The following POLDIP3 variants were observed in gnomAD, a reference collection of about 807,000 sequenced individuals.
The protein encoded by POLDIP3 is DNA polymerase delta interacting protein 3.
In POLDIP3, 14 loss-of-function variants were observed where a neutral mutation model predicts 45.1. The observed-to-expected ratio is 0.31, with a 90% CI of 0.20 to 0.49. The LOEUF is 0.49. Ranked by LOEUF, POLDIP3 falls within the 20% of genes least tolerant of loss-of-function variation. The pLI, the probability that POLDIP3 is intolerant of heterozygous loss-of-function variation, is 0.99. For synonymous variants in POLDIP3, 223 were observed against 205.2 expected (o/e 1.09, Z -0.74); for missense variants, 511 against 538.8 (o/e 0.95, Z 0.51).
intron 1 of POLDIP3, among the ~76,000 whole-genome samples, chr22:42,610,089 G>A (rs1187517724): frequency 6.6e-6 from 1 of 151,804 alleles, no homozygotes; most frequent in Non-Finnish European, 1.5e-5. Context: ...CAGGAGAATC[G>A]TTTGAATCCA....
intron 1 of POLDIP3, among the ~76,000 whole-genome samples, chr22:42,605,523 T>G (rs1416293680): frequency 1.3e-5 from 2 of 152,222 alleles, no homozygotes; most frequent in Non-Finnish European, 2.9e-5. Flanking sequence ...TTTTTCTCTT[T>G]GGAGTGGCAA....
chr22:42,596,760 T>C (rs1926018142), intron 4 of POLDIP3, among the ~76,000 whole-genome samples: 1 of 152,170 alleles, frequency 6.6e-6, no homozygotes, highest in African/African-American at 2.4e-5. Context: ...GGATCACATC[T>C]GCCATCCCAG....
intron 4 of POLDIP3, among the ~76,000 whole-genome samples, chr22:42,597,380 G>A (rs991779731): frequency 7.2e-5 from 11 of 152,170 alleles, no homozygotes; most frequent in East Asian, 1.9e-4. Flanking sequence ...GTGAAGCAGC[G>A]TCATCCCCAT....
At chr22:42,598,473 G>C (rs566702741) in intron 4 of POLDIP3, among the ~76,000 whole-genome samples, 2 of 151,378 alleles carry the variant, frequency 1.3e-5, no homozygotes, top group Non-Finnish European at 2.9e-5. Context: ...GGATGGTCTC[G>C]ATCTCCTGAC....
At position 42,585,932 on chromosome 22, in the gene POLDIP3, G is replaced by C. The variant is rs200775571; in HGVS notation, c.1125C>G (p.Ser375Arg). 3 of 1,613,290 alleles carry C rather than the reference G, an allele frequency of 1.9e-6. No homozygotes were observed. The highest frequency in any genetic ancestry group is 2.7e-5 in the African/African-American group (2 of 75,004). Residue 375 changes from serine (S) to arginine (R), a missense_variant, in exon 9 of 9, where the codon AGC becomes AGG. By Grantham distance (110) the Ser-to-Arg change is moderately radical (BLOSUM62 -1). Transcript: ENST00000252115. ...CAGAGTTCACCCTGCGAGGCAGCTC[G>C]CTCTCCTTTTTCATTGATGGGCTGT... ...LSDSPSMKKESELPRRVNSAS... is the reference protein window; with the variant it reads ...LSDSPSMKKERELPRRVNSAS...
intron 3 of POLDIP3, among the ~76,000 whole-genome samples, chr22:42,601,253 G>C (rs1245220367): frequency 6.6e-6 from 1 of 151,374 alleles, no homozygotes; most frequent in Non-Finnish European, 1.5e-5. Context: ...GCTCACACCT[G>C]TAATCCCAGC....
intron 4 of POLDIP3, among the ~76,000 whole-genome samples, chr22:42,598,261 T>C (rs948375976): frequency 1.3e-4 from 19 of 149,244 alleles, no homozygotes; most frequent in African/African-American, 3.0e-4. Flanking sequence ...TTTTTTTTTT[T>C]TTTTTTTTGA....
At chr22:42,598,245 G>A (rs992858904) in intron 4 of POLDIP3, among the ~76,000 whole-genome samples, 5 of 144,346 alleles carry the variant, frequency 3.5e-5, no homozygotes, top group Non-Finnish European at 6.0e-5. Flanking sequence ...ACCACACCCC[G>A]GATATTTTTT....
chr22:42,603,212 G>C (rs747939185), intron 1 of POLDIP3, 52 bp from the exon 2 acceptor site: 4 of 1,572,186 alleles, frequency 2.5e-6, no homozygotes, highest in Non-Finnish European at 3.5e-6. Context: ...ATCTACAGCA[G>C]TCTATGAAAG....
At chr22:42,608,264 C>CA (rs137109) in intron 1 of POLDIP3, among the ~76,000 whole-genome samples, 18,122 of 114,144 alleles carry the variant, frequency 0.16, 1,923 homozygotes, top group African/African-American at 0.28. Flanking sequence ...CCCCCCCCCC[C>CA]AAAAAAAAAT....
At chr22:42,605,285 G>A (rs1016907696) in intron 1 of POLDIP3, among the ~76,000 whole-genome samples, 10 of 152,124 alleles carry the variant, frequency 6.6e-5, no homozygotes, top group African/African-American at 2.2e-4. Context: ...CCGCCACCAC[G>A]GCCGGCTAAT....
intron 1 of POLDIP3, among the ~76,000 whole-genome samples, chr22:42,609,962 C>A (rs932293447): frequency 6.6e-6 from 1 of 152,102 alleles, no homozygotes; most frequent in African/African-American, 2.4e-5. Flanking sequence ...CACTTGAGGT[C>A]AGGAGTTTGA....
chr22:42,597,714 C>G, intron 4 of POLDIP3: 1 of 470,658 alleles, frequency 2.1e-6, no homozygotes, highest in African/African-American at 2.0e-5. Flanking sequence ...CTTGAGCAGT[C>G]TAATTACTGG....
At chr22:42,595,493 G>A in intron 6 of POLDIP3, 44 bp downstream of exon 6, 1 of 1,570,302 alleles carries the variant, frequency 6.4e-7, no homozygotes, top group Non-Finnish European at 8.8e-7. Context: ...CTTTGCCACA[G>A]AGGCAGTTTG....
intron 1 of POLDIP3, among the ~76,000 whole-genome samples, chr22:42,607,673 G>C (rs1569305148): frequency 6.6e-6 from 1 of 151,724 alleles, no homozygotes; most frequent in Non-Finnish European, 1.5e-5. Flanking sequence ...GAGCGTCTCG[G>C]CCCGGCCGTC....
rs137086 is a variant in POLDIP3, at chr22:42,585,161, G to A, written c.*630C>T. 173,358 of 460,036 alleles carry A rather than the reference G, an allele frequency of 0.38. 35,564 individuals are homozygous for A. Among genetic ancestry groups the A allele is most frequent in the East Asian group, 0.77 (12,078 of 15,614 alleles). 28.5% of individuals were successfully genotyped at this position (460,036 alleles called of 1,614,324 possible). A position where few individuals can be genotyped will look rare whatever the true frequency, so the allele number is the denominator to read the frequency against. Reference sequence around the variant, plus strand: ...GACGACACGGGACTCCAAGCCAAGAGCTTAGATAGACTCTTCCCAGCGGTG... The same window carrying A: ...GACGACACGGGACTCCAAGCCAAGAACTTAGATAGACTCTTCCCAGCGGTG... On this transcript the variant is annotated 3_prime_UTR_variant, in exon 9 of 9. Transcript: ENST00000252115.
At chr22:42,606,382 G>A (rs1926730233) in intron 1 of POLDIP3, among the ~76,000 whole-genome samples, 1 of 151,946 alleles carries the variant, frequency 6.6e-6, no homozygotes, top group African/African-American at 2.4e-5. Context: ...TGTAATCTCA[G>A]CACTTTGGAA....
At chr22:42,601,852 A>G (rs1000297680) in intron 3 of POLDIP3, 118 bp downstream of exon 3, 127 of 1,254,630 alleles carry the variant, frequency 1.0e-4, no homozygotes, top group Non-Finnish European at 1.3e-4. Context: ...ACTGGGAACT[A>G]CCAACTGAGC....
intron 1 of POLDIP3, among the ~76,000 whole-genome samples, chr22:42,607,756 C>T (rs936055150): frequency 6.7e-6 from 1 of 150,246 alleles, no homozygotes; most frequent in Non-Finnish European, 1.5e-5. Flanking sequence ...TCTGCCCGGC[C>T]GCGACCCCAT....
Sources: allele counts gnomAD v4.1 joint callset (sites outside exome capture counted in the v4.1 genomes callset), GRCh38; gene constraint gnomAD v4.1.1; transcripts MANE v1.5; gene names NCBI Gene and HGNC (gene_info 2026-07-23, HGNC 2026-07-21).